FAM107B: variants seen among roughly 807,000 people sequenced by gnomAD.
The protein encoded by FAM107B is protein FAM107B.
Under a neutral mutation model 31.5 loss-of-function variants are expected in FAM107B, and 21 were observed. That is an observed-to-expected ratio of 0.67 (90% CI 0.47 to 0.96). The LOEUF is 0.96. Ranked by LOEUF, FAM107B falls within the 40% of genes least tolerant of loss-of-function variation. FAM107B has a pLI of 0.00. For missense variants in FAM107B, 452 were observed against 377.1 expected, an observed-to-expected ratio of 1.20 and a Z score of -1.64; for synonymous variants, 157 against 141.5, an observed-to-expected ratio of 1.11 and a Z score of -0.78.
At chr10:14,718,611 A>ATTT (rs1855837749) in intron 1 of FAM107B, among the ~76,000 whole-genome samples, 1 of 152,210 alleles carries the variant, frequency 6.6e-6, no homozygotes, top group South Asian at 2.1e-4. Flanking sequence ...AGCATGAGTT[A>ATTT]GGTGAGCAGT....
chr10:14,735,731 C>T (rs1369160828), intron 1 of FAM107B, among the ~76,000 whole-genome samples: 1 of 152,112 alleles, frequency 6.6e-6, no homozygotes, highest in Non-Finnish European at 1.5e-5. Flanking sequence ...CTCTCTGAGC[C>T]AGGGCATACA....
chr10:14,640,578 G>A (rs771677158), intron 2 of FAM107B, among the ~76,000 whole-genome samples: 1 of 152,200 alleles, frequency 6.6e-6, no homozygotes, highest in South Asian at 2.1e-4. Flanking sequence ...GGATAATAAA[G>A]AGGTGCTTTC....
intron 1 of FAM107B, chr10:14,723,218 G>C: frequency 1.9e-6 from 1 of 527,682 alleles, no homozygotes; most frequent in Non-Finnish European, 3.7e-6. Context: ...TGAGCAGTGG[G>C]AGCCACAGAT....
chr10:14,618,488 C>G (rs949894553), intron 2 of FAM107B, among the ~76,000 whole-genome samples: 11 of 152,100 alleles, frequency 7.2e-5, no homozygotes, highest in African/African-American at 2.7e-4. Flanking sequence ...CCCACGCCCC[C>G]CAAAAAGATG....
chr10:14,600,949 G>A (rs529060628), intron 2 of FAM107B, among the ~76,000 whole-genome samples: 52 of 152,014 alleles, frequency 3.4e-4, no homozygotes, highest in African/African-American at 1.1e-3. Flanking sequence ...CTAATTTTTC[G>A]TAGAGATGAG....
At chr10:14,572,070 T>C in intron 2 of FAM107B, 1 of 985,442 alleles carries the variant, frequency 1.0e-6, no homozygotes. Flanking sequence ...AAGAACTCTC[T>C]TTCTGGATAT....
intron 1 of FAM107B, among the ~76,000 whole-genome samples, chr10:14,698,708 C>A (rs542521943): frequency 5.3e-5 from 8 of 152,324 alleles, no homozygotes; most frequent in Non-Finnish European, 1.0e-4. Context: ...TGTATCCCTG[C>A]TGACTCAGGG....
intron 1 of FAM107B, among the ~76,000 whole-genome samples, chr10:14,751,809 G>A (rs1832832594): frequency 6.6e-6 from 1 of 152,138 alleles, no homozygotes; most frequent in South Asian, 2.1e-4. Context: ...GTGCCAGGCT[G>A]CTGAGAGAAG....
At chr10:14,768,769 G>A (rs1833236981) in intron 1 of FAM107B, among the ~76,000 whole-genome samples, 2 of 152,140 alleles carry the variant, frequency 1.3e-5, no homozygotes, top group Admixed American at 1.3e-4. Flanking sequence ...TCGCTTTACT[G>A]GTGATTTTCC....
At chr10:14,729,138 G>A (rs1003202845) in intron 1 of FAM107B, among the ~76,000 whole-genome samples, 1 of 152,032 alleles carries the variant, frequency 6.6e-6, no homozygotes, top group Admixed American at 6.6e-5. Context: ...GACCACAGAT[G>A]TGCATTGTCA....
At chr10:14,592,331 G>C (rs1180793818) in intron 2 of FAM107B, among the ~76,000 whole-genome samples, 1 of 152,208 alleles carries the variant, frequency 6.6e-6, no homozygotes, top group Admixed American at 6.5e-5. Context: ...TCCTTTGCTG[G>C]AAATTTTTGC....
chr10:14,527,425 C>T (rs1046192420), intron 3 of FAM107B, among the ~76,000 whole-genome samples: 1 of 152,230 alleles, frequency 6.6e-6, no homozygotes, highest in Non-Finnish European at 1.5e-5. Context: ...TTGTTCTCAG[C>T]CTGTAACACA....
chr10:14,557,170 G>A (rs144011550), intron 2 of FAM107B, among the ~76,000 whole-genome samples: 1 of 152,284 alleles, frequency 6.6e-6, no homozygotes, highest in East Asian at 1.9e-4. Context: ...TCCTAAGCTT[G>A]TTTCCCAACT....
At chr10:14,548,647 C>A (rs1848945642) in intron 2 of FAM107B, 1 of 985,426 alleles carries the variant, frequency 1.0e-6, no homozygotes, top group Non-Finnish European at 1.2e-6. Context: ...CGAAGGCAGG[C>A]ACTCCCAGAA....
chr10:14,588,208 C>T (rs1054196023), intron 2 of FAM107B, among the ~76,000 whole-genome samples: 1 of 151,760 alleles, frequency 6.6e-6, no homozygotes, highest in African/African-American at 2.4e-5. Flanking sequence ...CCAGGCTGTG[C>T]GTGCAAGCTG....
chr10:14,554,076 A>T (rs1250033797), intron 2 of FAM107B: 1 of 982,942 alleles, frequency 1.0e-6, no homozygotes, highest in African/African-American at 1.7e-5. Context: ...TGTCATATAT[A>T]ATTAATGTAT....
At chr10:14,596,137 C>T (rs914151112) in intron 2 of FAM107B, among the ~76,000 whole-genome samples, 3 of 152,238 alleles carry the variant, frequency 2.0e-5, no homozygotes, top group Non-Finnish European at 4.4e-5. Context: ...CTGCCAGCCA[C>T]TGGGCTGATA....
intron 1 of FAM107B, among the ~76,000 whole-genome samples, chr10:14,716,566 A>C (rs1170635328): frequency 6.6e-6 from 1 of 152,210 alleles, no homozygotes; most frequent in East Asian, 1.9e-4. Context: ...GTGAGTTCCT[A>C]TATCTGCCTC....
chr10:14,550,891 C>G (rs1422297998), intron 2 of FAM107B, among the ~76,000 whole-genome samples: 1 of 152,244 alleles, frequency 6.6e-6, no homozygotes. Flanking sequence ...TTACTGACAG[C>G]TGGTTATAGA....
Sources: gnomAD v4.1 joint callset for allele counts (sites outside exome capture counted in the v4.1 genomes callset) on GRCh38, gnomAD v4.1.1 for gene constraint, MANE v1.5 for transcripts, NCBI Gene and HGNC (gene_info 2026-07-23, HGNC 2026-07-21) for gene names.